The following FSTL4 variants were observed in gnomAD, a reference collection of about 807,000 sequenced individuals.
FSTL4 encodes follistatin-related protein 4.
FSTL4 carries 28 observed loss-of-function variants against 78.2 expected under a neutral mutation model. That is an observed-to-expected ratio of 0.36 (90% CI 0.27 to 0.49). The LOEUF (loss-of-function observed/expected upper bound fraction) is 0.49, where lower values mean the gene tolerates loss of function less well. Ranked by LOEUF, FSTL4 falls within the 20% of genes least tolerant of loss-of-function variation. The probability of loss-of-function intolerance (pLI) is 0.98; values close to 1 mark genes in which losing one functional copy is unlikely to be tolerated. For synonymous variants in FSTL4, 422 were observed against 440.5 expected (o/e 0.96, Z 0.53); for missense variants, 922 against 1,084.9 (o/e 0.85, Z 2.11).
At chr5:133,738,781 C>T in the FSTL4 span, among the ~76,000 whole-genome samples, 1 of 152,166 alleles carries the variant, frequency 6.6e-6, no homozygotes, top group African/African-American at 2.4e-5. Flanking sequence ...CCCCAGAGTT[C>T]TAAGCATTGC....
At chr5:133,574,083 G>C (rs143541929) in intron 2 of FSTL4, among the ~76,000 whole-genome samples, 2 of 152,086 alleles carry the variant, frequency 1.3e-5, no homozygotes, top group Admixed American at 1.3e-4. Context: ...ATAGGATCAA[G>C]ACAATGAAAA....
At chr5:133,316,319 T>C in intron 5 of FSTL4, 140 bp downstream of exon 5, 1 of 625,870 alleles carries the variant, frequency 1.6e-6, no homozygotes, top group Admixed American at 2.9e-5. Flanking sequence ...AGGTGGCTGG[T>C]GGGAAGAACC....
intron 11 of FSTL4, among the ~76,000 whole-genome samples, chr5:133,223,190 G>T (rs547950097): frequency 6.6e-6 from 1 of 152,360 alleles, no homozygotes; most frequent in Admixed American, 6.5e-5. Context: ...AGCTGTGAGA[G>T]CCTAAGGGGC....
the FSTL4 span, among the ~76,000 whole-genome samples, chr5:133,701,509 AC>A: frequency 2.3e-5 from 3 of 132,694 alleles, no homozygotes; most frequent in East Asian, 2.2e-4. Context: ...ACACACACAC[AC>A]CCCACAGGCC....
At chr5:133,408,522 G>T (rs930509171) in intron 3 of FSTL4, among the ~76,000 whole-genome samples, 2 of 151,696 alleles carry the variant, frequency 1.3e-5, no homozygotes, top group Admixed American at 6.6e-5. Flanking sequence ...ACGCTGCTGT[G>T]GGGGAGCTGA....
At chr5:133,753,460 C>T in the FSTL4 span, among the ~76,000 whole-genome samples, 1 of 152,144 alleles carries the variant, frequency 6.6e-6, no homozygotes, top group Non-Finnish European at 1.5e-5. Context: ...TCTCAGGTGG[C>T]TCACATTGCC....
intron 3 of FSTL4, among the ~76,000 whole-genome samples, chr5:133,530,111 A>G (rs1486961368): frequency 6.6e-6 from 1 of 152,200 alleles, no homozygotes; most frequent in African/African-American, 2.4e-5. Context: ...TGTTTGAAGC[A>G]AATGGTTTTG....
At chr5:133,417,025 G>A (rs77671765) in intron 3 of FSTL4, among the ~76,000 whole-genome samples, 47 of 152,132 alleles carry the variant, frequency 3.1e-4, no homozygotes, top group African/African-American at 1.0e-3. Context: ...CCAAAATTGC[G>A]TACACAGAAT....
chr5:133,461,457 TC>T (rs1757589444), intron 3 of FSTL4, among the ~76,000 whole-genome samples: 1 of 152,186 alleles, frequency 6.6e-6, no homozygotes, highest in Non-Finnish European at 1.5e-5. Context: ...CAGTGCAATC[TC>T]CCAGTTTTAG....
At chr5:133,320,783 G>T (rs761694395) in intron 4 of FSTL4, among the ~76,000 whole-genome samples, 4 of 152,048 alleles carry the variant, frequency 2.6e-5, no homozygotes, top group African/African-American at 9.7e-5. Context: ...CGAGGCGGGC[G>T]GATCACGAGG....
At chr5:133,310,260 G>T (rs1561666241) in intron 6 of FSTL4, among the ~76,000 whole-genome samples, 1 of 152,170 alleles carries the variant, frequency 6.6e-6, no homozygotes, top group African/African-American at 2.4e-5. Context: ...TGGCTGTCTG[G>T]TTCAAAACAA....
chr5:133,330,227 CA>C (rs1754311428), intron 4 of FSTL4, among the ~76,000 whole-genome samples: 1 of 152,146 alleles, frequency 6.6e-6, no homozygotes. Flanking sequence ...TCCTTTTTAT[CA>C]CATTGTATTA....
chr5:133,592,221 G>C (rs1414989598), intron 2 of FSTL4, among the ~76,000 whole-genome samples: 1 of 152,148 alleles, frequency 6.6e-6, no homozygotes, highest in Non-Finnish European at 1.5e-5. Flanking sequence ...GGTTTGGCCT[G>C]TGCTGCTAAC....
chr5:133,823,380 A>C, the FSTL4 span, among the ~76,000 whole-genome samples: 1 of 152,140 alleles, frequency 6.6e-6, no homozygotes, highest in African/African-American at 2.4e-5. Flanking sequence ...CCCTGTACCC[A>C]GAATCTCTCC....
chr5:133,320,964 G>A (rs572450999), intron 4 of FSTL4, among the ~76,000 whole-genome samples: 6 of 131,724 alleles, frequency 4.6e-5, no homozygotes, highest in Admixed American at 2.7e-4. Flanking sequence ...CCGAGATCAC[G>A]CCACTGCACT....
chr5:133,646,412 T>A, the FSTL4 span, among the ~76,000 whole-genome samples: 11 of 152,120 alleles, frequency 7.2e-5, no homozygotes, highest in Non-Finnish European at 1.5e-4. Flanking sequence ...ACAGAGATTA[T>A]GGGCCATGGT....
the FSTL4 span, among the ~76,000 whole-genome samples, chr5:133,770,568 TG>T: frequency 2.6e-5 from 4 of 152,176 alleles, no homozygotes; most frequent in African/African-American, 9.6e-5. Context: ...CAATTTTTAA[TG>T]GGGTTTTCTT....
chr5:133,707,373 T>C, the FSTL4 span, among the ~76,000 whole-genome samples: 1 of 152,184 alleles, frequency 6.6e-6, no homozygotes, highest in Non-Finnish European at 1.5e-5. Flanking sequence ...GCAGTGGCTG[T>C]TGACATTTCA....
the FSTL4 span, among the ~76,000 whole-genome samples, chr5:133,777,231 A>AT: frequency 6.6e-6 from 1 of 151,996 alleles, no homozygotes; most frequent in Admixed American, 6.6e-5. Context: ...ATATATATAC[A>AT]ATAGAGAGTT....
Sources: gnomAD v4.1 joint callset for allele counts (sites outside exome capture counted in the v4.1 genomes callset) on GRCh38, gnomAD v4.1.1 for gene constraint, MANE v1.5 for transcripts, NCBI Gene and HGNC (gene_info 2026-07-23, HGNC 2026-07-21) for gene names.